SLC30A10: variants seen among roughly 807,000 people sequenced by gnomAD.
SLC30A10 encodes solute carrier family 30 member 10, also known as calcium/manganese antiporter SLC30A10.
In SLC30A10, 8 loss-of-function variants were observed where a neutral mutation model predicts 21.7. The observed-to-expected ratio is 0.37, with a 90% CI of 0.22 to 0.67. The LOEUF is 0.67. Among genes scored for constraint, SLC30A10 ranks in the 30% least tolerant of loss-of-function variants. The probability of loss-of-function intolerance (pLI) is 0.58; values close to 1 mark genes in which losing one functional copy is unlikely to be tolerated. For missense variants in SLC30A10, 521 were observed against 642.5 expected (o/e 0.81, Z 2.04); for synonymous variants, 272 against 279.4 (o/e 0.97, Z 0.26).
intron 1 of SLC30A10, among the ~76,000 whole-genome samples, chr1:219,947,799 C>G (rs1486384357): frequency 1.3e-5 from 2 of 152,056 alleles, no homozygotes; most frequent in African/African-American, 4.8e-5. Flanking sequence ...CATTGCACTC[C>G]AGCCTGGGCA....
At chr1:219,936,671 C>A (rs1660049575) in intron 1 of SLC30A10, among the ~76,000 whole-genome samples, 2 of 152,234 alleles carry the variant, frequency 1.3e-5, no homozygotes, top group South Asian at 4.1e-4. Context: ...GACTTGGAGC[C>A]CCTGGTAATC....
intron 1 of SLC30A10, among the ~76,000 whole-genome samples, chr1:219,939,091 G>A (rs1416268949): frequency 6.6e-6 from 1 of 152,182 alleles, no homozygotes; most frequent in Non-Finnish European, 1.5e-5. Context: ...CTAAGTTAGA[G>A]GATTGGAGAG....
intron 1 of SLC30A10, among the ~76,000 whole-genome samples, chr1:219,949,198 G>T (rs1660233967): frequency 6.6e-6 from 1 of 152,206 alleles, no homozygotes; most frequent in Non-Finnish European, 1.5e-5. Flanking sequence ...AGTCAGCATG[G>T]TGATTCCTCA....
chr1:219,951,898 C>A (rs11811037), intron 1 of SLC30A10, among the ~76,000 whole-genome samples: 60 of 152,178 alleles, frequency 3.9e-4, no homozygotes, highest in African/African-American at 1.3e-3. Flanking sequence ...TTGTGCCCAG[C>A]TGAAATATAT....
rs912795499 is a variant in SLC30A10 at position 219,912,627 on chromosome 1, G to A, written c.*2822C>T. 6.6e-6 allele frequency among the ~76,000 whole-genome samples: 1 copy of A among 152,208 alleles called. No homozygotes were observed. Among genetic ancestry groups the A allele is most frequent in the African/African-American group, 2.4e-5 (1 of 41,446 alleles). ...AGGTGGGTGGATCACAAGGTCAGGA[G>A]ATCGAGACCATCCTGGCTAACATGG... On this transcript the variant is annotated 3_prime_UTR_variant, in exon 4 of 4. Coordinates refer to ENST00000366926, the MANE Select transcript of SLC30A10 (RefSeq NM_018713.3).
chr1:219,925,651 A>ATATATATATATATTTTTTTT (rs1317554458), intron 2 of SLC30A10, among the ~76,000 whole-genome samples: 8 of 48,280 alleles, frequency 1.7e-4, no homozygotes, highest in Admixed American at 1.2e-3. Context: ...ATATATATAT[A>ATATATATATATATTTTTTTT]TTTTTTTTTT....
At chr1:219,954,466 G>A (rs1660316254) in intron 1 of SLC30A10, among the ~76,000 whole-genome samples, 1 of 151,896 alleles carries the variant, frequency 6.6e-6, no homozygotes, top group South Asian at 2.1e-4. Flanking sequence ...GATCACTTGA[G>A]GCCAGGAGTT....
rs1367134666 is a variant in SLC30A10, at chr1:219,914,450, A to G, written c.*999T>C. The G allele has an allele frequency of 2.6e-5, 4 of 152,232 alleles. No individual in the cohort carries two copies. The highest frequency in any genetic ancestry group is 2.6e-4 in the Admixed American group (4 of 15,288). The allele number at this position is 152,232 out of a possible 1,614,324, so 9.4% of individuals were successfully genotyped here. On this transcript the variant is annotated 3_prime_UTR_variant, in exon 4 of 4. Transcript: ENST00000366926. ...TTACTAGTTGACAACTATAATAAAT[A>G]CTTTAAAATATGTCTAATTAAAGAG...
chr1:219,930,774 C>T (rs368150066), upstream of SLC30A10, among the ~76,000 whole-genome samples: 12 of 152,204 alleles, frequency 7.9e-5, no homozygotes, highest in South Asian at 2.1e-4. Context: ...ATATAGACTA[C>T]GGTATTTTTC....
At chr1:219,949,766 T>TA (rs1337808189) in intron 1 of SLC30A10, among the ~76,000 whole-genome samples, 1 of 150,558 alleles carries the variant, frequency 6.6e-6, no homozygotes, top group African/African-American at 2.4e-5. Flanking sequence ...TAAAATAAAA[T>TA]AAAATAAAAA....
At chr1:219,922,510 T>TGAAGATGGA (rs1177244153) in intron 2 of SLC30A10, among the ~76,000 whole-genome samples, 1 of 151,908 alleles carries the variant, frequency 6.6e-6, no homozygotes, top group Non-Finnish European at 1.5e-5. Context: ...CGTGGGAAAC[T>TGAAGATGGA]GAAGATGGAG....
chr1:219,913,650 C>T lies in SLC30A10; in HGVS notation c.*1799G>A, dbSNP rs1246585999. ...TTAATACTAAAAATAGAAATTCTTA[C>T]TTATTAACCCCTTTGAGCTTATAAA... On this transcript the variant is annotated 3_prime_UTR_variant, in exon 4 of 4. Transcript: ENST00000366926. 6.6e-6 allele frequency: 1 copy of T among 152,182 alleles called. No individual in the cohort carries two copies. The highest frequency in any genetic ancestry group is 1.5e-5 in the Non-Finnish European group (1 of 68,036). The allele number at this position is 152,182 out of a possible 1,614,324, so 9.4% of individuals were successfully genotyped here. A position where few individuals can be genotyped will look rare whatever the true frequency, so the allele number is the denominator to read the frequency against.
chr1:219,914,135 AC>A lies in SLC30A10; in HGVS notation c.*1313del, dbSNP rs1206027851. On this transcript the variant is annotated 3_prime_UTR_variant, in exon 4 of 4. Transcript: ENST00000366926. ...TTATTTTCAGACAATCTTGCAGTCT[AC>A]CAGAGATGATACTAGTTGTCTAGTG... The A allele has an allele frequency of 1.3e-5, 2 of 152,182 alleles. No individual in the cohort carries two copies. Among genetic ancestry groups the A allele is most frequent in the Admixed American group, 1.3e-4 (2 of 15,274 alleles). The allele number at this position is 152,182 out of a possible 1,614,324, so 9.4% of individuals were successfully genotyped here.
chr1:219,921,921 C>G (rs58010321), intron 2 of SLC30A10, among the ~76,000 whole-genome samples: 232 of 137,876 alleles, frequency 1.7e-3, no homozygotes, highest in East Asian at 0.011. Context: ...GAGAGAGAGA[C>G]AGAGAGAGAG....
chr1:219,948,789 G>A (rs1429906317), intron 1 of SLC30A10, among the ~76,000 whole-genome samples: 7 of 152,066 alleles, frequency 4.6e-5, no homozygotes, highest in Admixed American at 6.5e-5. Context: ...AAGAGCTTCT[G>A]CACCGCAAAA....
chr1:219,930,625 T>TA (rs1166384490), upstream of SLC30A10, among the ~76,000 whole-genome samples: 5 of 152,200 alleles, frequency 3.3e-5, no homozygotes, highest in Non-Finnish European at 7.3e-5. Context: ...TTACACCAGA[T>TA]AAGCCTCCAA....
intron 2 of SLC30A10, among the ~76,000 whole-genome samples, chr1:219,920,153 T>A (rs930489406): frequency 6.6e-6 from 1 of 152,158 alleles, no homozygotes; most frequent in Non-Finnish European, 1.5e-5. Context: ...AGTGTTTACT[T>A]ATGATAATAA....
At position 219,911,068 on chromosome 1, in the gene SLC30A10, T is replaced by C. The variant is rs559733598; in HGVS notation, c.*4381A>G. ...CACTTTATCAGGTGCATGACTTCTA[T>C]AGAGCAGGCATGCAGTCCGCGATCA... On this transcript the variant is annotated 3_prime_UTR_variant, in exon 4 of 4. Transcript: ENST00000366926. Among the ~76,000 whole-genome samples the C allele has an allele frequency of 1.3e-5, 2 of 150,510 alleles. No individual in the cohort carries two copies. The highest frequency in any genetic ancestry group is 3.9e-4 in the East Asian group (2 of 5,096).
At chr1:219,936,335 A>G (rs1442682570) in intron 1 of SLC30A10, among the ~76,000 whole-genome samples, 1 of 152,196 alleles carries the variant, frequency 6.6e-6, no homozygotes, top group Non-Finnish European at 1.5e-5. Flanking sequence ...GAAGCCATGG[A>G]CCCACAACCA....
Sources: allele counts gnomAD v4.1 joint callset (sites outside exome capture counted in the v4.1 genomes callset), GRCh38; gene constraint gnomAD v4.1.1; transcripts MANE v1.5; gene names NCBI Gene and HGNC (gene_info 2026-07-23, HGNC 2026-07-21).